The following TULP3 variants were observed in gnomAD, a reference collection of about 807,000 sequenced individuals.
TULP3 encodes the protein tubby-related protein 3.
Under a neutral mutation model 50.7 loss-of-function variants are expected in TULP3, and 38 were observed. The observed-to-expected ratio is 0.75, with a 90% CI of 0.58 to 0.98. TULP3 has a LOEUF of 0.98. Among genes scored for constraint, TULP3 ranks in the 50% least tolerant of loss-of-function variants. The pLI, the probability that TULP3 is intolerant of heterozygous loss-of-function variation, is 0.00. For synonymous variants in TULP3, 183 were observed against 196.6 expected (o/e 0.93, Z 0.58); for missense variants, 550 against 568.0 (o/e 0.97, Z 0.32).
intron 4 of TULP3, among the ~76,000 whole-genome samples, chr12:2,928,853 G>A (rs1323298858): frequency 1.3e-5 from 2 of 152,046 alleles, no homozygotes; most frequent in Non-Finnish European, 2.9e-5. Context: ...GCTGAGACAA[G>A]AGAATTGCTT....
intron 1 of TULP3, among the ~76,000 whole-genome samples, chr12:2,893,327 G>GGTTTTTTTTTTTTTTTTTTTTTT (rs1555110454): frequency 7.8e-6 from 1 of 128,162 alleles, no homozygotes; most frequent in Non-Finnish European, 1.6e-5. Flanking sequence ...TGTTTAATGT[G>GGTTTTTTTTTTTTTTTTTTTTTT]TTTTTTTTTT....
chr12:2,920,285 A>T (rs1426032568), intron 2 of TULP3, among the ~76,000 whole-genome samples: 1 of 152,112 alleles, frequency 6.6e-6, no homozygotes, highest in Non-Finnish European at 1.5e-5. Context: ...CAAGGCAAGC[A>T]GACTGCTTGA....
intron 2 of TULP3, among the ~76,000 whole-genome samples, chr12:2,917,737 C>T (rs1314357827): frequency 2.0e-5 from 3 of 151,538 alleles, no homozygotes; most frequent in East Asian, 4.0e-4. Flanking sequence ...ATTAGCCGGG[C>T]GCGGTGCCGG....
chr12:2,903,768 C>T (rs765233529), intron 1 of TULP3, among the ~76,000 whole-genome samples: 41 of 151,966 alleles, frequency 2.7e-4, no homozygotes, highest in Non-Finnish European at 5.3e-4. Flanking sequence ...CTAATGTTAA[C>T]GTCTTCTTTT....
At chr12:2,913,670 A>G (rs7969462) in intron 2 of TULP3, among the ~76,000 whole-genome samples, 73,024 of 151,946 alleles carry the variant, frequency 0.48, 18,041 homozygotes, top group African/African-American at 0.6. Context: ...GAGTGCAGTG[A>G]CACAATCTCA....
intron 3 of TULP3, among the ~76,000 whole-genome samples, chr12:2,921,392 T>A (rs1292731417): frequency 1.9e-4 from 29 of 151,730 alleles, no homozygotes; most frequent in Admixed American, 1.9e-3. Context: ...CCACCCGCCT[T>A]GGCCTCCCAA....
chr12:2,896,625 A>G (rs1180225751), intron 1 of TULP3, among the ~76,000 whole-genome samples: 1 of 152,228 alleles, frequency 6.6e-6, no homozygotes, highest in African/African-American at 2.4e-5. Context: ...TAACAAAGCA[A>G]GAAATATTTT....
At chr12:2,929,253 C>G (rs1239083178) in intron 4 of TULP3, among the ~76,000 whole-genome samples, 1 of 150,640 alleles carries the variant, frequency 6.6e-6, no homozygotes, top group East Asian at 2.0e-4. Flanking sequence ...GGAGGCGGAG[C>G]TTGCAGTGAG....
At chr12:2,924,432 C>T (rs2153949795) in intron 4 of TULP3, among the ~76,000 whole-genome samples, 1 of 152,170 alleles carries the variant, frequency 6.6e-6, no homozygotes, top group Non-Finnish European at 1.5e-5. Flanking sequence ...AATCCCAGCA[C>T]TTTAAGAGGC....
intron 1 of TULP3, among the ~76,000 whole-genome samples, chr12:2,898,482 A>C (rs1243138664): frequency 6.6e-6 from 1 of 152,072 alleles, no homozygotes; most frequent in South Asian, 2.1e-4. Context: ...CTTTTCTGCG[A>C]AGGTCTTAAC....
In TULP3 at chr12:2,940,892, C is replaced by T; in HGVS notation, c.*1448C>T. ...ACACCTCGTCACCACCACCACCCCC[C>T]ACCCCATCCTGAGGCACTGCCTGGC... On this transcript the variant is annotated 3_prime_UTR_variant, in exon 11 of 11. Transcript: ENST00000448120. 1.6e-6 allele frequency: 1 copy of T among 636,088 alleles called. No homozygotes were observed. The highest frequency in any genetic ancestry group is 2.7e-6 in the Non-Finnish European group (1 of 375,174). The allele number at this position is 636,088 out of a possible 1,614,324, so 39.4% of individuals were successfully genotyped here.
rs1443151804 is a variant in TULP3, at chr12:2,939,312, T to G, written c.1197T>G (p.Pro399=). The G allele has an allele frequency of 1.2e-6, 2 of 1,613,418 alleles. No individual in the cohort carries two copies. The highest frequency in any genetic ancestry group is 3.3e-5 in the Admixed American group (2 of 59,732). ...ATGTTGATTTCTTTCTGTTTCTAGC[T>G]GATTATATAGTCATGCAGTTTGGAC... ...KNFQIVHKND[P]DYIVMQFGRV... Residue 399 remains proline, a splice_region_variant and synonymous_variant, in exon 11 of 11, where the codon CCT becomes CCG. Transcript: ENST00000448120. This position sits in a 1 kb window ranked among gnomAD's most constrained non-coding sequence, Gnocchi z 4.0.
At chr12:2,894,538 A>AACACACACACACACACAC (rs56834874) in intron 1 of TULP3, among the ~76,000 whole-genome samples, 158 of 147,828 alleles carry the variant, frequency 1.1e-3, no homozygotes, top group African/African-American at 3.8e-3. Flanking sequence ...CCGTCTCAAA[A>AACACACACACACACACAC]ACACACACAC....
At chr12:2,894,539 AC>A (rs1460944284) in intron 1 of TULP3, among the ~76,000 whole-genome samples, 3 of 1,066 alleles carry the variant, frequency 2.8e-3, no homozygotes, top group Non-Finnish European at 4.4e-3. Context: ...CGTCTCAAAA[AC>A]ACACACACAC....
At chr12:2,919,380 T>C (rs1438386963) in intron 2 of TULP3, among the ~76,000 whole-genome samples, 1 of 152,192 alleles carries the variant, frequency 6.6e-6, no homozygotes, top group African/African-American at 2.4e-5. Flanking sequence ...TGGCACGTTA[T>C]CTTAACTCCC....
In TULP3 at chr12:2,904,906, A is replaced by G. The variant is rs559344290; in HGVS notation, c.42-4623A>G. 2.0e-5 allele frequency among the ~76,000 whole-genome samples: 3 copies of G among 152,034 alleles called. 1 individual carries two copies. The East Asian group carries it at 5.9e-4, about 30-fold the overall frequency. On this transcript the variant is annotated intron_variant, in intron 1 of 10. Coordinates refer to ENST00000448120, the MANE Select transcript of TULP3 (RefSeq NM_003324.5). ...CTTTACCTGAAGTCAGGAGTTTGAGACGAACCTGGCCAACATGGCGAAACC... is the reference window on the plus strand; with the variant it reads ...CTTTACCTGAAGTCAGGAGTTTGAGGCGAACCTGGCCAACATGGCGAAACC...
intron 4 of TULP3, among the ~76,000 whole-genome samples, chr12:2,923,719 C>T (rs1037174642): frequency 1.3e-5 from 2 of 151,566 alleles, no homozygotes; most frequent in African/African-American, 4.9e-5. Flanking sequence ...TGCCTATAAT[C>T]CTAACACTCT....
At chr12:2,891,118 G>GTTT in intron 1 of TULP3, 130 bp downstream of exon 1, 1 of 1,162,878 alleles carries the variant, frequency 8.6e-7, no homozygotes. Flanking sequence ...GGAGGGACTG[G>GTTT]TTTCGGCGGC....
In TULP3 at chr12:2,941,019, G is replaced by C; in HGVS notation, c.*1575G>C. The C allele has an allele frequency of 2.7e-6, 1 of 367,366 alleles. No individual in the cohort carries two copies. The highest frequency in any genetic ancestry group is 4.9e-6 in the Non-Finnish European group (1 of 204,804). 22.8% of individuals were successfully genotyped at this position (367,366 alleles called of 1,614,324 possible). On this transcript the variant is annotated 3_prime_UTR_variant, in exon 11 of 11. Coordinates refer to ENST00000448120, the MANE Select transcript of TULP3 (RefSeq NM_003324.5). ...CCTCATCCTGCTTCTTCCTCCCTCT[G>C]GTTTAAAGAGATATATAAACTAATT...
Sources: gnomAD v4.1 joint callset for allele counts (sites outside exome capture counted in the v4.1 genomes callset) on GRCh38, gnomAD v4.1.1 for gene constraint, Gnocchi (gnomAD v3.1) non-coding constraint, MANE v1.5 for transcripts, NCBI Gene and HGNC (gene_info 2026-07-23, HGNC 2026-07-21) for gene names.